HACD1: variants seen among roughly 807,000 people sequenced by gnomAD.
HACD1 encodes 3-hydroxyacyl-CoA dehydratase 1.
Under a neutral mutation model 32.0 loss-of-function variants are expected in HACD1, and 41 were observed. The ratio of observed to expected loss-of-function variants is 1.28; its 90% confidence interval spans 1.00 to 1.66. The LOEUF (loss-of-function observed/expected upper bound fraction) is 1.66, where lower values mean the gene tolerates loss of function less well. Among genes scored for constraint, HACD1 ranks in the 40% most tolerant of loss-of-function variants. The pLI is 0.00. For synonymous variants in HACD1, 142 were observed against 139.0 expected, an observed-to-expected ratio of 1.02 and a Z score of -0.15; for missense variants, 396 against 380.1, an observed-to-expected ratio of 1.04 and a Z score of -0.35.
At chr10:17,592,239 C>A (rs1564503665) in intron 6 of HACD1, among the ~76,000 whole-genome samples, 1 of 151,926 alleles carries the variant, frequency 6.6e-6, no homozygotes, top group African/African-American at 2.4e-5. Flanking sequence ...ACCTTGGCCT[C>A]CCAAAGTGCT....
chr10:17,609,168 T>G (rs1399426026), intron 1 of HACD1, among the ~76,000 whole-genome samples: 8 of 150,950 alleles, frequency 5.3e-5, no homozygotes, highest in Non-Finnish European at 1.2e-4. Flanking sequence ...TTTTTTTTTT[T>G]TTTTGAGACA....
intron 5 of HACD1, among the ~76,000 whole-genome samples, chr10:17,596,406 G>C (rs1833995502): frequency 6.6e-6 from 1 of 151,700 alleles, no homozygotes; most frequent in Non-Finnish European, 1.5e-5. Flanking sequence ...TCCCATAACT[G>C]GACATTTTAT....
chr10:17,612,414 T>G (rs1184456024), intron 1 of HACD1, among the ~76,000 whole-genome samples: 2 of 152,220 alleles, frequency 1.3e-5, no homozygotes, highest in Non-Finnish European at 2.9e-5. Context: ...ATTCATTCAT[T>G]CAAATATTTA....
chr10:17,589,818 A>G lies in HACD1; in HGVS notation c.*546T>C, dbSNP rs868938301. 6.6e-6 allele frequency: 1 copy of G among 152,152 alleles called. No homozygotes were observed. The highest frequency in any genetic ancestry group is 2.1e-4 in the South Asian group (1 of 4,828). 9.4% of individuals were successfully genotyped at this position (152,152 alleles called of 1,614,324 possible). A position where few individuals can be genotyped will look rare whatever the true frequency, so the allele number is the denominator to read the frequency against. On this transcript the variant is annotated 3_prime_UTR_variant, in exon 7 of 7. Coordinates refer to ENST00000361271, the MANE Select transcript of HACD1 (RefSeq NM_014241.4). Reference sequence around the variant, plus strand: ...TCTACTTGAATATTTGTGTGTTTTTATGCTGCTACTTTATCTACATCAAAA... The same window carrying G: ...TCTACTTGAATATTTGTGTGTTTTTGTGCTGCTACTTTATCTACATCAAAA...
chr10:17,611,901 A>C (rs573601780), intron 1 of HACD1, among the ~76,000 whole-genome samples: 111 of 151,936 alleles, frequency 7.3e-4, no homozygotes, highest in Middle Eastern at 6.8e-3. Context: ...CGGGAGGCGG[A>C]GCTTGCAGTG....
intron 4 of HACD1, among the ~76,000 whole-genome samples, chr10:17,602,425 C>T (rs527998105): frequency 6.6e-5 from 10 of 152,242 alleles, no homozygotes; most frequent in East Asian, 1.9e-4. Context: ...GTGTCTATCT[C>T]GCCTGAAAGG....
At chr10:17,594,773 G>A (rs934328674) in intron 5 of HACD1, among the ~76,000 whole-genome samples, 33 of 151,998 alleles carry the variant, frequency 2.2e-4, no homozygotes, top group Non-Finnish European at 3.7e-4. Context: ...CTGGGTTCAA[G>A]TAATTCTCCT....
At chr10:17,595,715 A>C (rs1833987081) in intron 5 of HACD1, among the ~76,000 whole-genome samples, 1 of 152,184 alleles carries the variant, frequency 6.6e-6, no homozygotes, top group Non-Finnish European at 1.5e-5. Flanking sequence ...TCATTAAAAA[A>C]AAAAATCATT....
Position 17,599,280 on chromosome 10 carries a change from A to T in HACD1, c.605+10T>A, listed in dbSNP as rs781917573. 6.2e-7 allele frequency: 1 copy of T among 1,613,628 alleles called. No individual in the cohort carries two copies. On this transcript the variant is annotated intron_variant, in intron 5 of 6. Transcript: ENST00000361271. Reference sequence around the variant, plus strand: ...GGACAAGGAGAAACTAAACTGCAAGATATCGCCACCTGGCCCATTTAATGA... The same window carrying T: ...GGACAAGGAGAAACTAAACTGCAAGTTATCGCCACCTGGCCCATTTAATGA...
intron 1 of HACD1, chr10:17,615,955 G>A (rs1397582885): frequency 1.3e-5 from 4 of 303,660 alleles, no homozygotes; most frequent in African/African-American, 6.9e-5. Context: ...GCGACAGAAT[G>A]AGTCTCCGTC....
chr10:17,609,459 G>A (rs1331600445), intron 1 of HACD1, among the ~76,000 whole-genome samples: 1 of 152,010 alleles, frequency 6.6e-6, no homozygotes, highest in African/African-American at 2.4e-5. Flanking sequence ...AGCTAAAAAT[G>A]GGCAAAAGAT....
At chr10:17,597,949 AT>A (rs1834015858) in intron 5 of HACD1, among the ~76,000 whole-genome samples, 1 of 152,136 alleles carries the variant, frequency 6.6e-6, no homozygotes, top group Admixed American at 6.6e-5. Flanking sequence ...GCTAGAGAAT[AT>A]TAAAAAGTCA....
chr10:17,598,949 CA>C (rs148418097), intron 5 of HACD1: 329 of 163,778 alleles, frequency 2.0e-3, no homozygotes, highest in African/African-American at 3.8e-3. Flanking sequence ...ACATCACAGA[CA>C]AAAAAAAAAC....
chr10:17,594,368 G>A lies in HACD1; in HGVS notation c.621C>T (p.Ile207=), dbSNP rs1833968062. ...CAGCAACTCCAACAGGATATAAGAT[G>A]ATAAAAAAATTATATCTGGAGAAAG... is the stretch of plus-strand genomic sequence containing the variant. ...FIKWARYNFF[I]ILYPVGVAGE... Residue 207 remains isoleucine, a synonymous_variant, in exon 6 of 7, where the codon ATC becomes ATT. Coordinates refer to ENST00000361271, the MANE Select transcript of HACD1 (RefSeq NM_014241.4). 1.4e-6 allele frequency: 2 copies of A among 1,459,916 alleles called. No individual in the cohort carries two copies. The highest frequency in any genetic ancestry group is 1.6e-5 in the South Asian group (1 of 62,626). 90.4% of individuals were successfully genotyped at this position (1,459,916 alleles called of 1,614,324 possible). A position where few individuals can be genotyped will look rare whatever the true frequency, so the allele number is the denominator to read the frequency against.
chr10:17,614,893 T>C (rs941672251), intron 1 of HACD1, among the ~76,000 whole-genome samples: 30 of 151,992 alleles, frequency 2.0e-4, no homozygotes, highest in Admixed American at 1.6e-3. Flanking sequence ...GCTGGGACTA[T>C]AGGCGCCCGC....
intron 5 of HACD1, chr10:17,599,007 G>A (rs1379535847): frequency 3.0e-6 from 1 of 336,634 alleles, no homozygotes; most frequent in African/African-American, 2.2e-5. Flanking sequence ...AATGTATATT[G>A]TGCTTTCCAA....
At chr10:17,595,455 C>T (rs570715443) in intron 5 of HACD1, among the ~76,000 whole-genome samples, 9 of 152,178 alleles carry the variant, frequency 5.9e-5, no homozygotes, top group African/African-American at 2.2e-4. Context: ...AAAACTGCTA[C>T]CGTAACAAAA....
Position 17,594,261 on chromosome 10 carries a change from T to A in HACD1, c.728A>T (p.Asn243Ile). 1.9e-6 allele frequency: 3 copies of A among 1,600,590 alleles called. No individual in the cohort carries two copies. Among genetic ancestry groups the A allele is most frequent in the Non-Finnish European group, 2.6e-6 (3 of 1,173,016 alleles). ...AAAATAATAGTAGTCAAAAGAGACA[T>A]TGTATTTGTTAGGAAGTCTTATTGA... is the stretch of plus-strand genomic sequence containing the variant. ...MFSIRLPNKY[N>I]VSFDYYYFLL... The change falls in exon 6 of 7, where the codon AAT becomes ATT. Residue 243 changes from asparagine (N) to isoleucine (I), a missense_variant. Asn to Ile is a moderately radical substitution (Grantham distance 149). Transcript: ENST00000361271.
intron 1 of HACD1, among the ~76,000 whole-genome samples, chr10:17,611,600 G>A (rs1291190645): frequency 6.6e-6 from 1 of 152,346 alleles, no homozygotes; most frequent in East Asian, 1.9e-4. Flanking sequence ...GGGCACAAAA[G>A]TATTTGTCAG....
Sources: allele counts gnomAD v4.1 joint callset (sites outside exome capture counted in the v4.1 genomes callset), GRCh38; gene constraint gnomAD v4.1.1; transcripts MANE v1.5; gene names NCBI Gene and HGNC (gene_info 2026-07-23, HGNC 2026-07-21).